Variants in ENOX2 observed in about 807,000 individuals in gnomAD.
ENOX2 encodes APK1 antigen.
In ENOX2, 36 loss-of-function variants were observed where a neutral mutation model predicts 45.0. That is an observed-to-expected ratio of 0.80 (90% CI 0.61 to 1.06). ENOX2 has a LOEUF of 1.06. ENOX2 is among the 50% of genes least tolerant of loss of function. The pLI is 0.00. For missense variants in ENOX2, 423 were observed against 462.5 expected, an observed-to-expected ratio of 0.91 and a Z score of 0.78; for synonymous variants, 174 against 152.3, an observed-to-expected ratio of 1.14 and a Z score of -1.05.
chrX:130,765,971 C>A (rs1479172245), intron 3 of ENOX2, among the ~76,000 whole-genome samples: 1 of 110,854 alleles, frequency 9.0e-6, no homozygotes, highest in Non-Finnish European at 1.9e-5. Flanking sequence ...ATTTGAGTGT[C>A]TATCTATATT....
intron 11 of ENOX2, among the ~76,000 whole-genome samples, chrX:130,635,726 A>T (rs2148026973): frequency 8.9e-6 from 1 of 111,997 alleles, no homozygotes; most frequent in Non-Finnish European, 1.9e-5. Flanking sequence ...CCATTCAGAT[A>T]GTCAGTGGCA....
chrX:130,767,571 C>T (rs1412214444), intron 3 of ENOX2, among the ~76,000 whole-genome samples: 3 of 112,093 alleles, frequency 2.7e-5, no homozygotes, highest in Non-Finnish European at 1.9e-5. Flanking sequence ...ATGAGTAAGA[C>T]ATGAACCTTG....
At chrX:130,834,045 G>A (rs775847102) in intron 2 of ENOX2, among the ~76,000 whole-genome samples, 7 of 111,378 alleles carry the variant, frequency 6.3e-5, no homozygotes, top group Non-Finnish European at 1.1e-4. Flanking sequence ...GGGTTGCTAA[G>A]TTACAGGCAA....
intron 2 of ENOX2, among the ~76,000 whole-genome samples, chrX:130,841,683 T>G (rs1333532600): frequency 2.7e-5 from 3 of 112,039 alleles, no homozygotes; most frequent in Non-Finnish European, 5.6e-5. Context: ...AAGCCTCCCT[T>G]TGAAACAACA....
chrX:130,837,417 A>C (rs928585604), intron 2 of ENOX2, among the ~76,000 whole-genome samples: 3 of 112,157 alleles, frequency 2.7e-5, no homozygotes, highest in Admixed American at 9.4e-5. Flanking sequence ...TAGACATGTC[A>C]AATCAGATTT....
chrX:130,883,018 G>A (rs12689918), intron 2 of ENOX2, among the ~76,000 whole-genome samples: 13,743 of 112,032 alleles, frequency 0.12, 774 homozygotes, highest in East Asian at 0.25. Flanking sequence ...GCATTGCTGT[G>A]AGCGTTGATG....
At chrX:130,717,601 T>A (rs2038361877) in intron 3 of ENOX2, among the ~76,000 whole-genome samples, 1 of 112,237 alleles carries the variant, frequency 8.9e-6, no homozygotes, top group Non-Finnish European at 1.9e-5. Flanking sequence ...TTTTCAAGAG[T>A]GGCTATCTTC....
intron 2 of ENOX2, among the ~76,000 whole-genome samples, chrX:130,866,007 C>T (rs927209801): frequency 1.3e-4 from 14 of 111,304 alleles, no homozygotes; most frequent in African/African-American, 4.2e-4. Context: ...ATAGTGATTC[C>T]CTATGCATAC....
chrX:130,742,774 T>C (rs2148318482), intron 3 of ENOX2, among the ~76,000 whole-genome samples: 1 of 110,699 alleles, frequency 9.0e-6, no homozygotes, highest in African/African-American at 3.3e-5. Flanking sequence ...AACCCAAGTC[T>C]GTCTGTTGTC....
At chrX:130,677,237 T>C (rs1293224001) in intron 6 of ENOX2, among the ~76,000 whole-genome samples, 1 of 112,141 alleles carries the variant, frequency 8.9e-6, no homozygotes. Context: ...ATGGCACTTA[T>C]AACTTTTAAT....
At chrX:130,741,409 T>G (rs376564178) in intron 3 of ENOX2, among the ~76,000 whole-genome samples, 2 of 111,598 alleles carry the variant, frequency 1.8e-5, no homozygotes, top group African/African-American at 3.3e-5. Context: ...CCCTCTGAGC[T>G]CCTTTCATTT....
At chrX:130,631,344 C>G (rs970346400) in intron 13 of ENOX2, 124 bp downstream of exon 13, 9 of 486,825 alleles carry the variant, frequency 1.8e-5, no homozygotes, top group East Asian at 3.4e-5. Context: ...CTTCAGAACT[C>G]TGAGTTCTTG....
intron 3 of ENOX2, among the ~76,000 whole-genome samples, chrX:130,760,208 T>G (rs1002282200): frequency 9.0e-6 from 1 of 111,628 alleles, no homozygotes; most frequent in African/African-American, 3.3e-5. Flanking sequence ...TTTTGTTTCT[T>G]TATTCCTTTT....
At chrX:130,785,453 A>T (rs765184728) in intron 2 of ENOX2, among the ~76,000 whole-genome samples, 6 of 111,911 alleles carry the variant, frequency 5.4e-5, no homozygotes, top group Non-Finnish European at 1.1e-4. Context: ...GATCACCTCC[A>T]TTAAATGTCT....
chrX:130,702,899 C>T (rs775533826), intron 4 of ENOX2, among the ~76,000 whole-genome samples: 9 of 111,654 alleles, frequency 8.1e-5, no homozygotes, highest in African/African-American at 1.3e-4. Context: ...CTTCAATGAC[C>T]CTAGCCTGCA....
intron 2 of ENOX2, among the ~76,000 whole-genome samples, chrX:130,866,000 G>C (rs984624776): frequency 4.5e-5 from 5 of 111,089 alleles, no homozygotes; most frequent in Admixed American, 2.9e-4. Context: ...CCCCTATATA[G>C]TGATTCCCTA....
Position 130,625,300 on chromosome X carries a change from T to C in ENOX2, c.*14A>G. 8.3e-7 allele frequency: 1 copy of C among 1,206,175 alleles called. No homozygotes were observed. Among genetic ancestry groups the C allele is most frequent in the East Asian group, 3.0e-5 (1 of 33,734 alleles). ...TATTTATCTTCAGGATCCCAAGTTG[T>C]TAGGCAAAGAGATTTAGGTCAGCTT... is the stretch of plus-strand genomic sequence containing the variant. On this transcript the variant is annotated 3_prime_UTR_variant, in exon 15 of 15. Transcript: ENST00000394363.
At chrX:130,673,138 C>A (rs924584115) in intron 6 of ENOX2, among the ~76,000 whole-genome samples, 5 of 111,988 alleles carry the variant, frequency 4.5e-5, no homozygotes, top group African/African-American at 1.6e-4. Flanking sequence ...GTGCACAGGG[C>A]TAAAGAAGCA....
intron 4 of ENOX2, among the ~76,000 whole-genome samples, chrX:130,690,410 C>A (rs747498345): frequency 8.0e-5 from 9 of 111,944 alleles, no homozygotes; most frequent in Non-Finnish European, 1.5e-4. Flanking sequence ...AATCTTGCCT[C>A]TAGGTCAAAA....
Sources: allele counts gnomAD v4.1 joint callset (sites outside exome capture counted in the v4.1 genomes callset), GRCh38; gene constraint gnomAD v4.1.1; transcripts MANE v1.5; gene names NCBI Gene and HGNC (gene_info 2026-07-23, HGNC 2026-07-21).